The following MCU variants were observed in gnomAD, a reference collection of about 807,000 sequenced individuals.
The protein encoded by MCU is calcium uniporter protein, mitochondrial.
In MCU, 12 loss-of-function variants were observed where a neutral mutation model predicts 45.2. The observed-to-expected ratio is 0.27, with a 90% CI of 0.17 to 0.43. The LOEUF (loss-of-function observed/expected upper bound fraction) is 0.43, where lower values mean the gene tolerates loss of function less well. Among genes scored for constraint, MCU ranks in the 20% least tolerant of loss-of-function variants. The pLI is 1.00. For synonymous variants in MCU, 160 were observed against 165.1 expected (o/e 0.97, Z 0.24); for missense variants, 324 against 436.7 (o/e 0.74, Z 2.30).
intron 1 of MCU, among the ~76,000 whole-genome samples, chr10:72,759,651 C>G (rs970018969): frequency 6.6e-6 from 1 of 152,090 alleles, no homozygotes; most frequent in African/African-American, 2.4e-5. Context: ...AATGTTTCTT[C>G]CCCCCAAATT....
chr10:72,722,687 C>A (rs1183210120), intron 1 of MCU, among the ~76,000 whole-genome samples: 1 of 152,034 alleles, frequency 6.6e-6, no homozygotes, highest in Non-Finnish European at 1.5e-5. Flanking sequence ...AAGAGAGTAG[C>A]TTGCACTGAA....
chr10:72,720,756 C>A (rs1157904945), intron 1 of MCU, among the ~76,000 whole-genome samples: 1 of 152,156 alleles, frequency 6.6e-6, no homozygotes. Context: ...CTTGTATTCT[C>A]TGCAGTGTCT....
chr10:72,710,876 T>C (rs1160202306), intron 1 of MCU, among the ~76,000 whole-genome samples: 1 of 152,082 alleles, frequency 6.6e-6, no homozygotes, highest in Non-Finnish European at 1.5e-5. Context: ...TTTAAAACCT[T>C]ATTTAAAAGG....
chr10:72,714,009 C>T (rs1223383465), intron 1 of MCU, among the ~76,000 whole-genome samples: 1 of 149,130 alleles, frequency 6.7e-6, no homozygotes, highest in Non-Finnish European at 1.5e-5. Flanking sequence ...CTTTGTCGTC[C>T]AGCCTGGAGT....
intron 1 of MCU, among the ~76,000 whole-genome samples, chr10:72,736,088 A>G (rs1219585654): frequency 2.6e-5 from 4 of 152,258 alleles, no homozygotes; most frequent in African/African-American, 9.6e-5. Context: ...TTAATACTTT[A>G]CAATTTTTCA....
chr10:72,730,184 C>T (rs1277845077), intron 1 of MCU, among the ~76,000 whole-genome samples: 1 of 151,990 alleles, frequency 6.6e-6, no homozygotes, highest in East Asian at 1.9e-4. Context: ...TGGTATCTAA[C>T]TCCTGACCTA....
At chr10:72,741,610 G>A (rs1268447435) in intron 1 of MCU, among the ~76,000 whole-genome samples, 1 of 152,120 alleles carries the variant, frequency 6.6e-6, no homozygotes, top group Non-Finnish European at 1.5e-5. Context: ...GTGGTCAGTG[G>A]CCACCAGTGT....
At position 72,805,206 on chromosome 10, in the gene MCU, C is replaced by CTTCCTTTCCT. The variant is rs145012643; in HGVS notation, c.151-29140_151-29131dup. Among the ~76,000 whole-genome samples, 73 of 140,012 alleles carry CTTCCTTTCCT rather than the reference C, an allele frequency of 5.2e-4. 1 individual carries two copies. The highest frequency in any genetic ancestry group is 3.7e-3 in the Middle Eastern group (1 of 270). 91.9% of individuals were successfully genotyped at this position (140,012 alleles called of 152,430 possible). On this transcript the variant is annotated intron_variant, in intron 1 of 7. Transcript: ENST00000373053. ...CCTTCCTTCCTTCCTTCCTTCCTTTCTTCCTTTCCTTTCCTTTCCTTTTTC... is the reference window on the plus strand; with the variant it reads ...CCTTCCTTCCTTCCTTCCTTCCTTTCTTCCTTTCCTTTCCTTTCCTTTCCTTTCCTTTTTC...
intron 3 of MCU, 97 bp downstream of exon 3, chr10:72,859,444 A>T (rs1287214800): frequency 1.7e-6 from 2 of 1,160,882 alleles, no homozygotes; most frequent in Non-Finnish European, 2.4e-6. Context: ...CTACAAAAGA[A>T]CCCTATACTG....
rs530157313 is a variant in MCU, at chr10:72,828,669, G to T, written c.151-5690G>T. ...AATTAGGTATAGTTGAATAATTTAT[G>T]ATCATAGTAAGGAATTTAAAAGTAA... On this transcript the variant is annotated intron_variant, in intron 1 of 7. Transcript: ENST00000373053. Among the ~76,000 whole-genome samples, 5 of 152,230 alleles carry T rather than the reference G, an allele frequency of 3.3e-5. No individual in the cohort carries two copies. In the East Asian group the frequency reaches 9.6e-4, roughly 29 times the overall value.
intron 4 of MCU, among the ~76,000 whole-genome samples, chr10:72,866,030 G>A (rs1845450441): frequency 6.6e-6 from 1 of 152,080 alleles, no homozygotes; most frequent in Admixed American, 6.6e-5. Flanking sequence ...GCCCTCCTTG[G>A]CCTCCCAAAG....
At chr10:72,709,110 A>C (rs545253468) in intron 1 of MCU, among the ~76,000 whole-genome samples, 13 of 152,272 alleles carry the variant, frequency 8.5e-5, no homozygotes, top group Admixed American at 8.5e-4. Flanking sequence ...GAAAGGAACT[A>C]TTTCAAAGAG....
chr10:72,791,861 G>T (rs761006478), intron 1 of MCU, among the ~76,000 whole-genome samples: 4 of 150,100 alleles, frequency 2.7e-5, no homozygotes, highest in Non-Finnish European at 5.9e-5. Context: ...AAACTAAAAA[G>T]ATTTTTAAGT....
chr10:72,814,677 A>G (rs1844598479), intron 1 of MCU, among the ~76,000 whole-genome samples: 1 of 152,230 alleles, frequency 6.6e-6, no homozygotes. Context: ...TCTAGACCAC[A>G]TATAGGAGGT....
In MCU at chr10:72,870,454, G is replaced by GC. The variant is rs916188334; in HGVS notation, c.658-923_658-922insC. On this transcript the variant is annotated intron_variant, in intron 5 of 7. Coordinates refer to ENST00000373053, the MANE Select transcript of MCU (RefSeq NM_138357.3). ...CCACCACGCCCGGCTAATTTTTTGTGTTTTTTTTTAGTAGAGACGGGATTT... is the reference window on the plus strand; with the variant it reads ...CCACCACGCCCGGCTAATTTTTTGTGCTTTTTTTTTAGTAGAGACGGGATTT... Among the ~76,000 whole-genome samples, 9 of 150,604 alleles carry GC rather than the reference G, an allele frequency of 6.0e-5. No homozygotes were observed. In the East Asian group the frequency reaches 1.2e-3, roughly 19 times the overall value.
At chr10:72,786,987 T>G (rs1188430631) in intron 1 of MCU, among the ~76,000 whole-genome samples, 2 of 152,056 alleles carry the variant, frequency 1.3e-5, no homozygotes, top group East Asian at 3.9e-4. Flanking sequence ...CAAAGAAAAT[T>G]TATATATGGA....
rs1435890480 is a variant in MCU, at chr10:72,704,704, A to ACTTTTTTTTTTTTTTTTTTTTT, written c.150+12403_150+12404insCTTTTTTTTTTTTTTTTTTTTT. ...AGGCATGCACTGTCATGCCTGGATA[A>ACTTTTTTTTTTTTTTTTTTTTT]TTTTTTTTTTTTTTTTTTTTTTTTT... On this transcript the variant is annotated intron_variant, in intron 1 of 7. Transcript: ENST00000373053. Among the ~76,000 whole-genome samples the ACTTTTTTTTTTTTTTTTTTTTT allele has an allele frequency of 2.8e-5, 3 of 106,746 alleles. 1 individual carries two copies. The highest frequency in any genetic ancestry group is 4.4e-5 in the African/African-American group (1 of 22,776). The allele number at this position is 106,746 out of a possible 152,430, so 70.0% of individuals were successfully genotyped here. A position where few individuals can be genotyped will look rare whatever the true frequency, so the allele number is the denominator to read the frequency against.
intron 1 of MCU, among the ~76,000 whole-genome samples, chr10:72,726,222 A>G (rs1311411638): frequency 1.3e-5 from 2 of 149,248 alleles, no homozygotes; most frequent in Non-Finnish European, 3.0e-5. Flanking sequence ...TTTTTTGTCT[A>G]TCAGCACACA....
intron 1 of MCU, among the ~76,000 whole-genome samples, chr10:72,754,601 G>A (rs1376597952): frequency 6.6e-6 from 1 of 152,148 alleles, no homozygotes; most frequent in Non-Finnish European, 1.5e-5. Flanking sequence ...TAAAAAATTA[G>A]CCAGGCATGT....
Sources: allele counts gnomAD v4.1 joint callset (sites outside exome capture counted in the v4.1 genomes callset), GRCh38; gene constraint gnomAD v4.1.1; transcripts MANE v1.5; gene names NCBI Gene and HGNC (gene_info 2026-07-23, HGNC 2026-07-21).